The following MROH2B variants were observed in gnomAD, a reference collection of about 807,000 sequenced individuals.
MROH2B encodes maestro heat-like repeat-containing protein family member 2B.
MROH2B carries 177 observed loss-of-function variants against 208.6 expected under a neutral mutation model. The ratio of observed to expected loss-of-function variants is 0.85; its 90% CI spans 0.75 to 0.96. MROH2B has a LOEUF of 0.96. Among genes scored for constraint, MROH2B ranks in the 40% least tolerant of loss-of-function variants. The probability of loss-of-function intolerance (pLI) is 0.00; values close to 1 mark genes in which losing one functional copy is unlikely to be tolerated. For synonymous variants in MROH2B, 728 were observed against 659.0 expected (o/e 1.10, Z -1.60); for missense variants, 2,002 against 1,878.7 (o/e 1.07, Z -1.21).
Position 41,018,726 on chromosome 5 carries a change from T to G in MROH2B, c.2638A>C (p.Asn880His). The G allele has an allele frequency of 1.2e-6, 2 of 1,613,972 alleles. No individual in the cohort carries two copies. ...GKLLKTMMWD[N>H]VNAEDCQEMF... is the part of the protein sequence containing the mutation. ...TCTTGACAGTCCTCTGCATTCACATTATCCCACATCATGGTCTTCAGAAGT... is the reference window on the plus strand; with the variant it reads ...TCTTGACAGTCCTCTGCATTCACATGATCCCACATCATGGTCTTCAGAAGT... Residue 880 changes from asparagine (N) to histidine (H), a missense_variant, in exon 26 of 42, where the codon AAT becomes CAT. Asn to His is a moderately conservative substitution (Grantham distance 68). Transcript: ENST00000399564.
At chr5:41,014,687 C>T (rs1396384960) in intron 29 of MROH2B, among the ~76,000 whole-genome samples, 3 of 152,214 alleles carry the variant, frequency 2.0e-5, no homozygotes, top group Non-Finnish European at 4.4e-5. Context: ...ACCCCTCTTT[C>T]TACACTTCAG....
chr5:41,018,419 C>G lies in MROH2B; in HGVS notation c.2685G>C (p.Met895Ile). The G allele has an allele frequency of 6.2e-7, 1 of 1,612,850 alleles. No homozygotes were observed. The highest frequency in any genetic ancestry group is 1.7e-5 in the Admixed American group (1 of 59,794). Reference sequence around the variant, plus strand: ...CCCACTCTTTTTGTGAAACAAGCCACATTTGGAGAAGCTGTTGGTCAAAGA... The same window carrying G: ...CCCACTCTTTTTGTGAAACAAGCCAGATTTGGAGAAGCTGTTGGTCAAAGA... ...DCQEMFNLLQ[M>I]WLVSQKEWER... is the part of the protein sequence containing the mutation. Residue 895 changes from methionine to isoleucine, a missense_variant, in exon 27 of 42, where the codon ATG (methionine) becomes ATC (isoleucine). By Grantham distance (10) the Met-to-Ile change is conservative (BLOSUM62 1). Coordinates refer to ENST00000399564, the MANE Select transcript of MROH2B (RefSeq NM_173489.5).
intron 6 of MROH2B, among the ~76,000 whole-genome samples, chr5:41,059,951 T>G (rs1743584676): frequency 6.6e-6 from 1 of 152,174 alleles, no homozygotes; most frequent in African/African-American, 2.4e-5. Context: ...AACCTGAATA[T>G]CCTCAAACCT....
chr5:41,003,805 A>G (rs539264602), intron 37 of MROH2B, among the ~76,000 whole-genome samples: 1 of 152,204 alleles, frequency 6.6e-6, no homozygotes, highest in Admixed American at 6.5e-5. Context: ...AGATTTTTAC[A>G]TTGATGGCAA....
Position 41,004,336 on chromosome 5 carries a change from G to C in MROH2B, c.4194+10C>G. The C allele has an allele frequency of 1.2e-6, 2 of 1,610,332 alleles. No individual in the cohort carries two copies. Among genetic ancestry groups the C allele is most frequent in the Non-Finnish European group, 1.7e-6 (2 of 1,178,816 alleles). ...TCTGGGGAGGGAAGTTCCTAAACAG[G>C]CTCACTTACATCTTCAAAGAAGGTC... On this transcript the variant is annotated intron_variant, in intron 37 of 41. Transcript: ENST00000399564.
chr5:41,012,810 T>C (rs1237281023), intron 29 of MROH2B, 75 bp from the exon 30 acceptor site: 33 of 1,563,680 alleles, frequency 2.1e-5, no homozygotes, highest in Non-Finnish European at 2.8e-5. Flanking sequence ...CATGCTGTTG[T>C]GGTTTGTTTT....
intron 13 of MROH2B, 45 bp from the exon 14 acceptor site, chr5:41,049,481 A>G (rs1304818803): frequency 1.3e-6 from 2 of 1,570,496 alleles, no homozygotes; most frequent in African/African-American, 1.4e-5. Flanking sequence ...ATTCTTTTCC[A>G]TTATTTCTCC....
Position 41,045,785 on chromosome 5 carries a change from T to G in MROH2B, c.1797A>C (p.Lys599Asn), listed in dbSNP as rs1437508903. Residue 599 changes from lysine to asparagine, a missense_variant, in exon 18 of 42, where the codon AAA becomes AAC. Coordinates refer to ENST00000399564, the MANE Select transcript of MROH2B (RefSeq NM_173489.5). ...TATTGCTGTAACTGCCCATTTGCTGTTTGAAATCCTGAGTCAGCTGAATGG... is the reference window on the plus strand; with the variant it reads ...TATTGCTGTAACTGCCCATTTGCTGGTTGAAATCCTGAGTCAGCTGAATGG... ...AWTIQLTQDF[K>N]QQMGSYSNNS... is the part of the protein sequence containing the mutation. 3.7e-6 allele frequency: 6 copies of G among 1,613,632 alleles called. No homozygotes were observed. Among genetic ancestry groups the G allele is most frequent in the Non-Finnish European group, 5.1e-6 (6 of 1,179,600 alleles).
intron 19 of MROH2B, among the ~76,000 whole-genome samples, chr5:41,041,846 G>C (rs911013523): frequency 6.6e-6 from 1 of 152,072 alleles, no homozygotes; most frequent in African/African-American, 2.4e-5. Context: ...TCAAGCCAAG[G>C]TCTGGTTAGG....
intron 34 of MROH2B, among the ~76,000 whole-genome samples, chr5:41,005,860 G>C (rs1374446348): frequency 2.6e-5 from 4 of 151,684 alleles, no homozygotes; most frequent in Non-Finnish European, 4.4e-5. Context: ...GTGAAACCCC[G>C]TATCTACTAA....
chr5:41,008,044 T>C (rs1174275932), intron 33 of MROH2B, among the ~76,000 whole-genome samples: 1 of 152,212 alleles, frequency 6.6e-6, no homozygotes, highest in African/African-American at 2.4e-5. Context: ...TGAAAAGTTA[T>C]GCAAAATGCA....
intron 24 of MROH2B, among the ~76,000 whole-genome samples, chr5:41,027,914 C>T (rs1742431328): frequency 1.3e-5 from 2 of 152,082 alleles, no homozygotes; most frequent in South Asian, 4.1e-4. Flanking sequence ...TGGAAACCAT[C>T]ATTCTCAGCA....
chr5:41,005,421 C>T lies in MROH2B; in HGVS notation c.3864+110G>A, dbSNP rs1477720593. The T allele has an allele frequency of 2.3e-5, 5 of 216,650 alleles. 1 individual carries two copies. The highest frequency in any genetic ancestry group is 1.6e-4 in the East Asian group (2 of 12,298). 13.4% of individuals were successfully genotyped at this position (216,650 alleles called of 1,614,324 possible). On this transcript the variant is annotated intron_variant, in intron 35 of 41. Transcript: ENST00000399564. Reference sequence around the variant, plus strand: ...GGTCTCTCCTCTATGAAACCCCCCCCCCCCTTGAAGTCTCTCTTCCCTGGT... The same window carrying T: ...GGTCTCTCCTCTATGAAACCCCCCCTCCCCTTGAAGTCTCTCTTCCCTGGT...
rs1374078042 is a variant in MROH2B at position 41,049,407 on chromosome 5, C to T, written c.1374G>A (p.Val458=). 1.9e-6 allele frequency: 3 copies of T among 1,612,996 alleles called. No homozygotes were observed. Among genetic ancestry groups the T allele is most frequent in the Non-Finnish European group, 2.5e-6 (3 of 1,179,602 alleles). The change falls in exon 14 of 42, where the codon GTG becomes GTA. Residue 458 remains valine (V), a synonymous_variant. Coordinates refer to ENST00000399564, the MANE Select transcript of MROH2B (RefSeq NM_173489.5). The part of the protein sequence containing the change: ...QVLWPRILTF[V]VPAEYTEALE... ...GAGCTTCTGTGTATTCTGCAGGTACCACAAAAGTCAGGATCCTTGGCCATA... is the reference window on the plus strand; with the variant it reads ...GAGCTTCTGTGTATTCTGCAGGTACTACAAAAGTCAGGATCCTTGGCCATA...
chr5:41,033,288 T>C (rs1004627632), intron 22 of MROH2B, 128 bp from the exon 23 acceptor site: 2 of 1,302,444 alleles, frequency 1.5e-6, no homozygotes, highest in Admixed American at 2.1e-5. Context: ...TTGCCATCTC[T>C]ACTCCAGACT....
At chr5:41,032,288 T>G (rs1441934139) in intron 24 of MROH2B, among the ~76,000 whole-genome samples, 2 of 152,152 alleles carry the variant, frequency 1.3e-5, no homozygotes, top group Admixed American at 1.3e-4. Context: ...GCTATCTTAT[T>G]GTGGTTTTAA....
intron 35 of MROH2B, chr5:41,005,289 T>C: frequency 1.9e-6 from 1 of 540,496 alleles, no homozygotes; most frequent in South Asian, 2.9e-5. Context: ...CACAGATTTA[T>C]TGTCCCCCTT....
Position 41,057,106 on chromosome 5 carries a change from T to C in MROH2B, c.919+3A>G, listed in dbSNP as rs1393993246. On this transcript the variant is annotated splice_donor_region_variant and intron_variant, in intron 9 of 41. Coordinates refer to ENST00000399564, the MANE Select transcript of MROH2B (RefSeq NM_173489.5). Reference sequence around the variant, plus strand: ...TTAAAAGCCTTCTGGATGCTGGTCCTACCTAGAATGAGAAAACAGCTTGAA... The same window carrying C: ...TTAAAAGCCTTCTGGATGCTGGTCCCACCTAGAATGAGAAAACAGCTTGAA... The C allele has an allele frequency of 6.2e-7, 1 of 1,613,872 alleles. No homozygotes were observed. Among genetic ancestry groups the C allele is most frequent in the East Asian group, 2.2e-5 (1 of 44,898 alleles).
At chr5:41,049,004 T>G in intron 15 of MROH2B, 97 bp downstream of exon 15, 2 of 1,181,192 alleles carry the variant, frequency 1.7e-6, no homozygotes, top group Non-Finnish European at 2.4e-6. Flanking sequence ...TCTTTTTGTT[T>G]GGAGTATCTA....
Sources: gnomAD v4.1 joint callset for allele counts (sites outside exome capture counted in the v4.1 genomes callset) on GRCh38, gnomAD v4.1.1 for gene constraint, MANE v1.5 for transcripts, NCBI Gene and HGNC (gene_info 2026-07-23, HGNC 2026-07-21) for gene names.